Variants in STARD13 observed in about 807,000 individuals in gnomAD.
STARD13 encodes StAR related lipid transfer domain containing 13, also known as stAR-related lipid transfer protein 13.
STARD13 carries 62 observed loss-of-function variants against 106.4 expected under a neutral mutation model. The observed-to-expected ratio is 0.58, with a 90% CI of 0.48 to 0.72. The LOEUF (loss-of-function observed/expected upper bound fraction) is 0.72. Among genes scored for constraint, STARD13 ranks in the 30% least tolerant of loss-of-function variants. STARD13 has a pLI of 0.00. For synonymous variants in STARD13, 565 were observed against 553.0 expected, an observed-to-expected ratio of 1.02 and a Z score of -0.31; for missense variants, 1,387 against 1,424.0, an observed-to-expected ratio of 0.97 and a Z score of 0.42.
chr13:33,618,953 A>G, the STARD13 span, among the ~76,000 whole-genome samples: 1 of 151,978 alleles, frequency 6.6e-6, no homozygotes, highest in Non-Finnish European at 1.5e-5. Context: ...TTGTGGATTC[A>G]TGGCCAAGGG....
At chr13:33,494,790 G>A in the STARD13 span, among the ~76,000 whole-genome samples, 1 of 151,888 alleles carries the variant, frequency 6.6e-6, no homozygotes, top group Non-Finnish European at 1.5e-5. Context: ...TAGGACAATT[G>A]CCAGAGAGAT....
chr13:33,336,808 C>G (rs991116259), intron 1 of STARD13: 35 of 146,514 alleles, frequency 2.4e-4, no homozygotes, highest in Admixed American at 4.1e-4. Flanking sequence ...CAGAACTACT[C>G]AAATATATTA....
the STARD13 span, among the ~76,000 whole-genome samples, chr13:33,378,804 A>AAAAAAAAG: frequency 6.6e-6 from 1 of 151,470 alleles, no homozygotes; most frequent in East Asian, 1.9e-4. Flanking sequence ...AAACAAAAAA[A>AAAAAAAAG]AAAAAAAGAA....
chr13:33,354,289 G>A (rs770006365), upstream of STARD13, among the ~76,000 whole-genome samples: 3 of 152,138 alleles, frequency 2.0e-5, no homozygotes, highest in Non-Finnish European at 2.9e-5. Context: ...TTATACATTA[G>A]CTGTTCTTGA....
At chr13:33,269,420 T>A (rs1390782130) in intron 1 of STARD13, among the ~76,000 whole-genome samples, 1 of 152,198 alleles carries the variant, frequency 6.6e-6, no homozygotes, top group Non-Finnish European at 1.5e-5. Context: ...CATCAGATAA[T>A]GTGGGCGGTG....
exon 1 of STARD13, chr13:33,350,593 G>C: frequency 7.2e-7 from 1 of 1,385,990 alleles, no homozygotes; most frequent in Non-Finnish European, 9.3e-7. Flanking sequence ...CGCGAGGACC[G>C]GGATGCCTGG....
intron 1 of STARD13, among the ~76,000 whole-genome samples, chr13:33,283,162 C>A (rs1160221984): frequency 6.6e-6 from 1 of 152,166 alleles, no homozygotes; most frequent in Non-Finnish European, 1.5e-5. Context: ...CAGGAAATTT[C>A]ATAATGAGTG....
intron 1 of STARD13, among the ~76,000 whole-genome samples, chr13:33,174,305 T>C (rs1221789748): frequency 6.6e-6 from 1 of 152,034 alleles, no homozygotes; most frequent in Non-Finnish European, 1.5e-5. Flanking sequence ...TCACACACAC[T>C]TATGCATTTT....
chr13:33,137,907 G>C (rs1188768948), intron 4 of STARD13, among the ~76,000 whole-genome samples: 1 of 150,796 alleles, frequency 6.6e-6, no homozygotes, highest in Non-Finnish European at 1.5e-5. Flanking sequence ...ATGCGGGGGT[G>C]TGCAAGGGAG....
chr13:33,659,112 G>C, the STARD13 span, among the ~76,000 whole-genome samples: 922 of 152,030 alleles, frequency 6.1e-3, 4 homozygotes, highest in Non-Finnish European at 9.1e-3. Context: ...GCATTTCCCT[G>C]AGTTCTGTGA....
chr13:33,575,942 A>G, the STARD13 span, among the ~76,000 whole-genome samples: 1 of 152,216 alleles, frequency 6.6e-6, no homozygotes, highest in Non-Finnish European at 1.5e-5. Context: ...TTCAGGAATT[A>G]TATGTAATGT....
intron 1 of STARD13, among the ~76,000 whole-genome samples, chr13:33,313,995 T>C (rs932150005): frequency 7.2e-5 from 11 of 152,200 alleles, no homozygotes; most frequent in African/African-American, 2.7e-4. Context: ...CTTTCATCCT[T>C]TTCCATGTAT....
At chr13:33,119,312 G>A (rs890783568) in intron 7 of STARD13, among the ~76,000 whole-genome samples, 1 of 152,144 alleles carries the variant, frequency 6.6e-6, no homozygotes, top group Non-Finnish European at 1.5e-5. Context: ...ATTCCCCAGT[G>A]GCTCATGGGT....
chr13:33,325,527 C>T (rs1483801959), intron 1 of STARD13, among the ~76,000 whole-genome samples: 2 of 151,938 alleles, frequency 1.3e-5, no homozygotes, highest in African/African-American at 4.8e-5. Context: ...TTTTTTTTAT[C>T]CCCTTCCCTT....
At chr13:33,621,297 T>C in the STARD13 span, among the ~76,000 whole-genome samples, 1 of 152,054 alleles carries the variant, frequency 6.6e-6, no homozygotes. Flanking sequence ...TGAAAATATA[T>C]TAGAAAAAAG....
the STARD13 span, among the ~76,000 whole-genome samples, chr13:33,364,750 G>A: frequency 3.2e-3 from 487 of 152,290 alleles, 1 homozygote; most frequent in Non-Finnish European, 5.2e-3. Context: ...TTAGCCAGGC[G>A]TGGTGGCGGG....
In STARD13 at chr13:33,169,624, C is replaced by T. The variant is rs183627200; in HGVS notation, c.170-2002G>A. ...TATTTTCTCTTGGCATTACATGAAT[C>T]CTATGCCTTTTTCTGTTTTATTATT... On this transcript the variant is annotated intron_variant, in intron 1 of 13. Coordinates refer to ENST00000336934, the MANE Select transcript of STARD13 (RefSeq NM_178006.4). Among the ~76,000 whole-genome samples, 14 of 152,306 alleles carry T rather than the reference C, an allele frequency of 9.2e-5. No homozygotes were observed. In the East Asian group the frequency reaches 2.7e-3, roughly 29 times the overall value.
the STARD13 span, among the ~76,000 whole-genome samples, chr13:33,537,573 A>G: frequency 1.1e-3 from 163 of 152,330 alleles, 1 homozygote; most frequent in Admixed American, 3.7e-3. Context: ...CGATCTTTCT[A>G]CAGTACACTC....
At chr13:33,542,216 G>T in the STARD13 span, among the ~76,000 whole-genome samples, 1 of 152,118 alleles carries the variant, frequency 6.6e-6, no homozygotes, top group Non-Finnish European at 1.5e-5. Flanking sequence ...AATAAACACT[G>T]AAAGATGAAC....
Sources: gnomAD v4.1 joint callset for allele counts (sites outside exome capture counted in the v4.1 genomes callset) on GRCh38, gnomAD v4.1.1 for gene constraint, MANE v1.5 for transcripts, NCBI Gene and HGNC (gene_info 2026-07-23, HGNC 2026-07-21) for gene names.